The following STXBP4 variants were observed in gnomAD, a reference collection of about 807,000 sequenced individuals.
The protein encoded by STXBP4 is syntaxin binding protein 4, also known as syntaxin-binding protein 4.
Under a neutral mutation model 76.1 loss-of-function variants are expected in STXBP4, and 55 were observed. That is an observed-to-expected ratio of 0.72 (90% CI 0.58 to 0.91). The LOEUF is 0.91. Ranked by LOEUF, STXBP4 falls within the 40% of genes least tolerant of loss-of-function variation. The pLI, the probability that STXBP4 is intolerant of heterozygous loss-of-function variation, is 0.00. For missense variants in STXBP4, 618 were observed against 636.9 expected (o/e 0.97, Z 0.32); for synonymous variants, 201 against 220.2 (o/e 0.91, Z 0.77).
In STXBP4 at chr17:55,025,828, C is replaced by A. The variant is rs577869993; in HGVS notation, c.667-5340C>A. Among the ~76,000 whole-genome samples the A allele has an allele frequency of 4.6e-5, 7 of 152,222 alleles. No individual in the cohort carries two copies. The East Asian group carries it at 1.4e-3, about 29-fold the overall frequency. On this transcript the variant is annotated intron_variant, in intron 8 of 17. Transcript: ENST00000376352. Reference sequence around the variant, plus strand: ...AAAGAAATAAAAGGCATCCAGATTGCAGGAAGAATTAAAACTATCTCTATT... The same window carrying A: ...AAAGAAATAAAAGGCATCCAGATTGAAGGAAGAATTAAAACTATCTCTATT...
At chr17:55,007,652 ATTCTC>A in intron 8 of STXBP4, 55 bp downstream of exon 8, 1 of 1,392,304 alleles carries the variant, frequency 7.2e-7, no homozygotes, top group Non-Finnish European at 1.0e-6. Context: ...GGAAAGAAGT[ATTCTC>A]CTTCTTTGAG....
intron 12 of STXBP4, among the ~76,000 whole-genome samples, chr17:55,064,467 G>A (rs781397825): frequency 4.2e-4 from 64 of 151,778 alleles, no homozygotes; most frequent in Non-Finnish European, 7.2e-4. Context: ...ACCAATTCTG[G>A]GGCATATTTC....
intron 12 of STXBP4, among the ~76,000 whole-genome samples, chr17:55,062,899 A>T (rs1464901839): frequency 2.6e-5 from 4 of 152,230 alleles, no homozygotes; most frequent in African/African-American, 7.2e-5. Context: ...AGGCTTTTTT[A>T]AAAGATTTTT....
chr17:55,175,204 A>G (rs1046250694), downstream of STXBP4, among the ~76,000 whole-genome samples: 3 of 152,182 alleles, frequency 2.0e-5, no homozygotes, highest in African/African-American at 7.2e-5. Context: ...GTTCCTAAGC[A>G]TGGGGAGAGA....
intron 16 of STXBP4, among the ~76,000 whole-genome samples, chr17:55,088,155 A>G (rs998785942): frequency 3.9e-5 from 6 of 152,168 alleles, no homozygotes; most frequent in African/African-American, 1.4e-4. Flanking sequence ...CTTTCTCTTT[A>G]AGCAGCAGCT....
In STXBP4 at chr17:54,990,965, TA is replaced by T; in HGVS notation, c.180+9del. On this transcript the variant is annotated intron_variant, in intron 4 of 17. Transcript: ENST00000376352. ...GGAGGAGACTGTTATAAGGTAAAAA[TA>T]TGTCCCATGCCCACCAAAAATACAA... 2 of 1,544,082 alleles carry T rather than the reference TA, an allele frequency of 1.3e-6. No individual in the cohort carries two copies. The highest frequency in any genetic ancestry group is 1.7e-6 in the Non-Finnish European group (2 of 1,152,884).
intron 8 of STXBP4, among the ~76,000 whole-genome samples, chr17:55,011,162 T>C (rs909914758): frequency 2.0e-5 from 3 of 152,212 alleles, no homozygotes; most frequent in African/African-American, 7.2e-5. Context: ...TTGCATTGTG[T>C]AATTTTATTA....
At chr17:55,142,600 C>T (rs2080106555) in intron 17 of STXBP4, among the ~76,000 whole-genome samples, 1 of 151,922 alleles carries the variant, frequency 6.6e-6, no homozygotes, top group Non-Finnish European at 1.5e-5. Context: ...AAATAGCCAT[C>T]ATGAATTTAC....
In STXBP4 at chr17:55,160,831, C is replaced by T. The variant is rs1266831823; in HGVS notation, c.*920C>T. The T allele has an allele frequency of 6.6e-6, 1 of 152,370 alleles. No homozygotes were observed. Among genetic ancestry groups the T allele is most frequent in the Non-Finnish European group, 1.5e-5 (1 of 68,156 alleles). The allele number at this position is 152,370 out of a possible 1,614,324, so 9.4% of individuals were successfully genotyped here. ...CACCCAAGCCTTCGCCAAGTAGGCG[C>T]ACTCTTTGTGATATTGTTTCAGCAG... On this transcript the variant is annotated 3_prime_UTR_variant, in exon 18 of 18. Transcript: ENST00000376352.
rs1370793113 is a variant in STXBP4, at chr17:55,047,069, T to C, written c.946-20T>C. ...AATACTTTCATAACAAGTTGTTAAT[T>C]TGGTGGTTTTTAAATATAGGAAAAA... On this transcript the variant is annotated intron_variant, in intron 11 of 17. Transcript: ENST00000376352. The C allele has an allele frequency of 1.3e-6, 2 of 1,493,084 alleles. No homozygotes were observed. Among genetic ancestry groups the C allele is most frequent in the East Asian group, 2.3e-5 (1 of 44,102 alleles). The allele number at this position is 1,493,084 out of a possible 1,614,324, so 92.5% of individuals were successfully genotyped here.
intron 12 of STXBP4, among the ~76,000 whole-genome samples, chr17:55,071,458 A>G (rs942183774): frequency 2.6e-5 from 4 of 152,052 alleles, no homozygotes; most frequent in Non-Finnish European, 4.4e-5. Context: ...CTTCATGCAA[A>G]CTGTTCGCTC....
the STXBP4 span, among the ~76,000 whole-genome samples, chr17:55,182,780 C>T: frequency 4.7e-5 from 7 of 149,698 alleles, no homozygotes; most frequent in Non-Finnish European, 9.0e-5. Flanking sequence ...AGAATTACTC[C>T]TACAAAGTGC....
At chr17:55,074,137 T>C (rs1389608333) in intron 13 of STXBP4, among the ~76,000 whole-genome samples, 3 of 152,126 alleles carry the variant, frequency 2.0e-5, no homozygotes, top group Non-Finnish European at 4.4e-5. Context: ...TAAGAGAACA[T>C]AAAGAAAATC....
At chr17:55,039,280 G>A (rs2078655354) in intron 10 of STXBP4, among the ~76,000 whole-genome samples, 1 of 151,986 alleles carries the variant, frequency 6.6e-6, no homozygotes, top group Admixed American at 6.6e-5. Context: ...GAGGTGAGTA[G>A]GGAGTGATAA....
rs2080336838 is a variant in STXBP4 at position 55,161,475 on chromosome 17, T to C, written c.*1564T>C. The C allele has an allele frequency of 6.6e-6, 1 of 152,212 alleles. No individual in the cohort carries two copies. The highest frequency in any genetic ancestry group is 2.4e-5 in the African/African-American group (1 of 41,456). The allele number at this position is 152,212 out of a possible 1,614,324, so 9.4% of individuals were successfully genotyped here. On this transcript the variant is annotated 3_prime_UTR_variant, in exon 18 of 18. Transcript: ENST00000376352. ...CTATAATTGTGAAAGTACAAACTTC[T>C]TGTTTTTGTCAAATTAATGGTATGA...
At chr17:54,982,709 A>AAG (rs2077568126) in intron 1 of STXBP4, among the ~76,000 whole-genome samples, 1 of 151,976 alleles carries the variant, frequency 6.6e-6, no homozygotes, top group Admixed American at 6.6e-5. Flanking sequence ...AGAGAGTAGG[A>AAG]AGCAGGCAAA....
chr17:55,187,477 G>A, the STXBP4 span, among the ~76,000 whole-genome samples: 3 of 151,808 alleles, frequency 2.0e-5, no homozygotes, highest in Non-Finnish European at 4.4e-5. Flanking sequence ...CCCATTCTTA[G>A]AATGCCAAAG....
At chr17:54,979,388 C>CT (rs754580276) in intron 1 of STXBP4, among the ~76,000 whole-genome samples, 1 of 152,144 alleles carries the variant, frequency 6.6e-6, no homozygotes, top group Non-Finnish European at 1.5e-5. Context: ...CCTTATTGCT[C>CT]TATCAGGAAT....
At chr17:55,038,346 A>G (rs960506161) in intron 10 of STXBP4, among the ~76,000 whole-genome samples, 3 of 152,090 alleles carry the variant, frequency 2.0e-5, no homozygotes, top group African/African-American at 7.2e-5. Context: ...TTGACTTATA[A>G]CAACATAGAT....
Sources: allele counts gnomAD v4.1 joint callset (sites outside exome capture counted in the v4.1 genomes callset), GRCh38; gene constraint gnomAD v4.1.1; transcripts MANE v1.5; gene names NCBI Gene and HGNC (gene_info 2026-07-23, HGNC 2026-07-21).